The following SMPD4 variants were observed in gnomAD, a reference collection of about 807,000 sequenced individuals.
SMPD4 encodes sphingomyelin phosphodiesterase 4.
A neutral mutation model predicts 97.8 loss-of-function variants in SMPD4; 58 were observed. That is an observed-to-expected ratio of 0.59 (90% CI 0.48 to 0.74). SMPD4 has a LOEUF of 0.74. Ranked by LOEUF, SMPD4 falls within the 30% of genes least tolerant of loss-of-function variation. The pLI is 0.00. For synonymous variants in SMPD4, 388 were observed against 450.0 expected (o/e 0.86, Z 1.74); for missense variants, 853 against 1,080.5 (o/e 0.79, Z 2.95).
intron 11 of SMPD4, 93 bp downstream of exon 11, chr2:130,161,093 C>T: frequency 3.2e-6 from 4 of 1,243,026 alleles, no homozygotes; most frequent in Non-Finnish European, 4.6e-6. Context: ...GAACTAGCCT[C>T]TGAGTCACCA....
rs762954250 is a variant in SMPD4 at position 130,153,450 on chromosome 2, G to T, written c.1894C>A (p.Leu632Ile). 5 of 1,613,628 alleles carry T rather than the reference G, an allele frequency of 3.1e-6. No individual in the cohort carries two copies. The highest frequency in any genetic ancestry group is 4.2e-6 in the Non-Finnish European group (5 of 1,179,954). Reference sequence around the variant, plus strand: ...AACTGCCTGAGCTGCGCTTCGCTGAGCTGCCAGAGAGAAATGCCACTGCCC... The same window carrying T: ...AACTGCCTGAGCTGCGCTTCGCTGATCTGCCAGAGAGAAATGCCACTGCCC... ...ALEYLRQIFR[L>I]SEAQLRQFTL... Residue 632 changes from leucine (L) to isoleucine (I), a missense_variant and splice_region_variant, in exon 18 of 20, where the codon CTC becomes ATC. By Grantham distance (5) the Leu-to-Ile change is conservative. Coordinates refer to ENST00000680298, the MANE Select transcript of SMPD4 (RefSeq NM_017951.5).
chr2:130,176,167 C>T (rs527484518), intron 2 of SMPD4, among the ~76,000 whole-genome samples: 1 of 152,196 alleles, frequency 6.6e-6, no homozygotes, highest in African/African-American at 2.4e-5. Flanking sequence ...AGCAGGCCCC[C>T]GCACAACAGT....
At chr2:130,158,173 A>G (rs548621214) in intron 11 of SMPD4, 4 of 1,266,566 alleles carry the variant, frequency 3.2e-6, no homozygotes, top group East Asian at 5.7e-5. Flanking sequence ...TTCCTCCCCA[A>G]TTCCTCCCAC....
chr2:130,155,025 C>T, intron 15 of SMPD4, 71 bp downstream of exon 15: 1 of 1,569,304 alleles, frequency 6.4e-7, no homozygotes, highest in Non-Finnish European at 8.7e-7. Context: ...GACCAGCCAC[C>T]CCCAGCTAAG....
intron 15 of SMPD4, 182 bp from the exon 16 acceptor site, chr2:130,154,664 G>A (rs1366116017): frequency 1.4e-6 from 1 of 722,334 alleles, no homozygotes; most frequent in Non-Finnish European, 2.4e-6. Context: ...GGGCGGATGG[G>A]GGAGCTGCTG....
chr2:130,164,552 C>T, intron 9 of SMPD4, 107 bp from the exon 10 acceptor site: 2 of 888,528 alleles, frequency 2.3e-6, no homozygotes, highest in Non-Finnish European at 1.8e-6. Flanking sequence ...CACAGAATAC[C>T]CATGTGCAGA....
At chr2:130,158,726 G>A (rs563797766) in intron 11 of SMPD4, among the ~76,000 whole-genome samples, 14 of 152,160 alleles carry the variant, frequency 9.2e-5, no homozygotes, top group Admixed American at 4.6e-4. Flanking sequence ...GGGCAGGGAA[G>A]TAGGGGTGCT....
chr2:130,155,388 T>C (rs1686676437), intron 14 of SMPD4, 129 bp from the exon 15 acceptor site: 3 of 1,286,944 alleles, frequency 2.3e-6, no homozygotes, highest in Non-Finnish European at 1.1e-6. Context: ...GGTGACAAGC[T>C]GTCACAGATG....
chr2:130,174,289 G>A (rs2104908281), intron 3 of SMPD4, among the ~76,000 whole-genome samples: 1 of 152,242 alleles, frequency 6.6e-6, no homozygotes, highest in East Asian at 1.9e-4. Flanking sequence ...CCAAAGTGTT[G>A]AGATTACAGG....
rs527414043 is a variant in SMPD4 at position 130,175,995 on chromosome 2, A to AT, written c.39+558dup. ...ATCTAACTTCTCACTTCTCAGTATCATTTTTTTTTCCTTTTTGAGTCTTTA... is the reference window on the plus strand; with the variant it reads ...ATCTAACTTCTCACTTCTCAGTATCATTTTTTTTTTCCTTTTTGAGTCTTTA... On this transcript the variant is annotated intron_variant, in intron 2 of 19. Transcript: ENST00000680298. Among the ~76,000 whole-genome samples the AT allele has an allele frequency of 4.3e-3, 645 of 150,324 alleles. 2 individuals carry two copies. Among genetic ancestry groups the AT allele is most frequent in the African/African-American group, 0.015 (597 of 40,862 alleles).
At chr2:130,175,092 A>G (rs1443956787) in intron 2 of SMPD4, 92 bp from the exon 3 acceptor site, 14 of 904,242 alleles carry the variant, frequency 1.5e-5, no homozygotes, top group Non-Finnish European at 1.8e-6. Flanking sequence ...AAATCCAAGC[A>G]ATAGGTTATG....
intron 5 of SMPD4, among the ~76,000 whole-genome samples, 158 bp from the exon 6 acceptor site, chr2:130,173,053 C>T (rs1029226005): frequency 6.6e-6 from 1 of 152,220 alleles, no homozygotes; most frequent in African/African-American, 2.4e-5. Context: ...CTGAGCAGTG[C>T]CTGAACAAGA....
rs771582991 is a variant in SMPD4, at chr2:130,156,570, G to A, written c.1188+15C>T. The A allele has an allele frequency of 2.4e-5, 39 of 1,610,242 alleles. No individual in the cohort carries two copies. The highest frequency in any genetic ancestry group is 3.3e-5 in the South Asian group (3 of 90,586). ...CAGAGGACACAGGCACACGTGTGAC[G>A]GGGCCAACACTCACAGCTCTGAACG... On this transcript the variant is annotated intron_variant, in intron 13 of 19. Transcript: ENST00000680298.
At chr2:130,168,623 C>G (rs1688154723) in intron 8 of SMPD4, among the ~76,000 whole-genome samples, 1 of 152,014 alleles carries the variant, frequency 6.6e-6, no homozygotes, top group Non-Finnish European at 1.5e-5. Context: ...AGACTTAGGC[C>G]TCCCAAGTAG....
intron 8 of SMPD4, 78 bp downstream of exon 8, chr2:130,172,271 C>G: frequency 7.0e-7 from 1 of 1,427,540 alleles, no homozygotes; most frequent in Non-Finnish European, 9.3e-7. Flanking sequence ...AGGGTGGCAA[C>G]ATTGTCCCCG....
At chr2:130,155,696 C>T (rs544353159) in intron 14 of SMPD4, among the ~76,000 whole-genome samples, 8 of 152,148 alleles carry the variant, frequency 5.3e-5, no homozygotes, top group African/African-American at 1.9e-4. Flanking sequence ...CCTCCCTCAT[C>T]CCCTGCTTGA....
chr2:130,168,037 C>CA (rs1276112544), intron 8 of SMPD4, among the ~76,000 whole-genome samples: 1 of 152,132 alleles, frequency 6.6e-6, no homozygotes, highest in Non-Finnish European at 1.5e-5. Context: ...CCTATCTCCA[C>CA]AAAAACATTG....
intron 8 of SMPD4, among the ~76,000 whole-genome samples, chr2:130,171,959 G>A (rs1688512633): frequency 6.6e-6 from 1 of 152,200 alleles, no homozygotes; most frequent in South Asian, 2.1e-4. Context: ...CTTTGGCCCA[G>A]GGCCTCCCCT....
At chr2:130,156,182 A>C (rs1362184883) in intron 13 of SMPD4, 47 bp from the exon 14 acceptor site, 10 of 1,541,214 alleles carry the variant, frequency 6.5e-6, no homozygotes, top group Admixed American at 5.3e-5. Context: ...GGGGCCAAAT[A>C]CTCGGTGGCC....
Sources: gnomAD v4.1 joint callset for allele counts (sites outside exome capture counted in the v4.1 genomes callset) on GRCh38, gnomAD v4.1.1 for gene constraint, MANE v1.5 for transcripts, NCBI Gene and HGNC (gene_info 2026-07-23, HGNC 2026-07-21) for gene names.